MFSD11: variants seen among roughly 807,000 people sequenced by gnomAD.
MFSD11 encodes the protein UNC93-like protein MFSD11.
A neutral mutation model predicts 53.5 loss-of-function variants in MFSD11; 36 were observed. The observed-to-expected ratio is 0.67, with a 90% confidence interval of 0.52 to 0.89. The LOEUF (loss-of-function observed/expected upper bound fraction) is 0.89. Among genes scored for constraint, MFSD11 ranks in the 40% least tolerant of loss-of-function variants. MFSD11 has a pLI of 0.00. For synonymous variants in MFSD11, 186 were observed against 184.9 expected (o/e 1.01, Z -0.05); for missense variants, 530 against 543.9 (o/e 0.97, Z 0.25).
chr17:76,747,159 C>T (rs141394155), intron 7 of MFSD11, among the ~76,000 whole-genome samples: 22 of 152,192 alleles, frequency 1.4e-4, no homozygotes, highest in African/African-American at 5.1e-4. Flanking sequence ...CAGATCTAAG[C>T]AAAGTAAATT....
the MFSD11 span, among the ~76,000 whole-genome samples, chr17:76,802,632 A>T: frequency 6.6e-6 from 1 of 152,194 alleles, no homozygotes; most frequent in Non-Finnish European, 1.5e-5. Flanking sequence ...TAATCCCAGC[A>T]CTTCGGGAGG....
chr17:76,738,166 G>A lies in MFSD11; in HGVS notation c.-187G>A. 7 of 604,656 alleles carry A rather than the reference G, an allele frequency of 1.2e-5. No individual in the cohort carries two copies. Among genetic ancestry groups the A allele is most frequent in the South Asian group, 1.0e-4 (5 of 49,626 alleles). 37.5% of individuals were successfully genotyped at this position (604,656 alleles called of 1,614,324 possible). A position where few individuals can be genotyped will look rare whatever the true frequency, so the allele number is the denominator to read the frequency against. On this transcript the variant is annotated 5_prime_UTR_variant, in exon 1 of 13. In the 5' UTR this introduces an upstream ATG that the reference lacks. Coordinates refer to ENST00000685175, the MANE Select transcript of MFSD11 (RefSeq NM_001242532.5). ...CTTCTTAGGAGTATCCTAACTGCCG[G>A]TGGGGAGAACTTCGCCCTAAACCTG...
In MFSD11 at chr17:76,744,344, T is replaced by C; in HGVS notation, c.519T>C (p.Phe173=). ...QISESDRRTV[F]IALTVISLVG... ...TAGAGAGTGACCGAAGAACAGTGTTTATTGCCCTAACGGTGATTAGCCTTG... is the reference window on the plus strand; with the variant it reads ...TAGAGAGTGACCGAAGAACAGTGTTCATTGCCCTAACGGTGATTAGCCTTG... The change falls in exon 7 of 13, where the codon TTT becomes TTC. Residue 173 remains phenylalanine, a synonymous_variant. Transcript: ENST00000685175. 6.2e-7 allele frequency: 1 copy of C among 1,612,846 alleles called. No homozygotes were observed. Among genetic ancestry groups the C allele is most frequent in the Non-Finnish European group, 8.5e-7 (1 of 1,179,682 alleles).
At chr17:76,771,928 A>C (rs192007876) in intron 10 of MFSD11, among the ~76,000 whole-genome samples, 12 of 152,168 alleles carry the variant, frequency 7.9e-5, no homozygotes, top group Admixed American at 5.9e-4. Context: ...GATGCTCAGG[A>C]GGGACTCGTG....
intron 8 of MFSD11, among the ~76,000 whole-genome samples, chr17:76,765,494 G>A: frequency 9.2e-6 from 1 of 108,988 alleles, no homozygotes; most frequent in Non-Finnish European, 1.7e-5. Flanking sequence ...ACAGGGTGTT[G>A]CTCTGCCGCC....
the MFSD11 span, among the ~76,000 whole-genome samples, chr17:76,790,366 C>G: frequency 7.3e-6 from 1 of 136,130 alleles, no homozygotes; most frequent in Non-Finnish European, 1.6e-5. Context: ...TTTTGAGACA[C>G]CATCTCACTC....
chr17:76,744,295 A>G (rs763475196), intron 6 of MFSD11, 27 bp from the exon 7 acceptor site: 7 of 1,597,846 alleles, frequency 4.4e-6, no homozygotes, highest in Middle Eastern at 1.7e-4. Context: ...GGTCGATACT[A>G]TCTTGTTTCT....
intron 8 of MFSD11, among the ~76,000 whole-genome samples, chr17:76,765,006 T>C (rs2080691740): frequency 6.6e-6 from 1 of 152,216 alleles, no homozygotes; most frequent in Non-Finnish European, 1.5e-5. Flanking sequence ...GATAAAGTTT[T>C]TAATTTTGAT....
At chr17:76,737,358 T>C (rs2077570085), upstream of MFSD11, 4 of 633,344 alleles carry the variant, frequency 6.3e-6, no homozygotes, top group South Asian at 1.1e-4. Flanking sequence ...TCTGCGCCCG[T>C]TTATATCGCT....
intron 10 of MFSD11, among the ~76,000 whole-genome samples, chr17:76,771,495 C>A (rs980661147): frequency 6.6e-6 from 1 of 152,152 alleles, no homozygotes; most frequent in Non-Finnish European, 1.5e-5. Context: ...AAAATACCTG[C>A]CCATATAGAG....
chr17:76,750,443 C>T (rs145748787), intron 7 of MFSD11, among the ~76,000 whole-genome samples: 4 of 149,664 alleles, frequency 2.7e-5, no homozygotes, highest in East Asian at 2.0e-4. Context: ...AACTCGGCTC[C>T]GCCTCCCGGG....
chr17:76,778,188 T>A lies in MFSD11; in HGVS notation c.1186T>A (p.Ser396Thr), dbSNP rs754675957. 1 of 1,614,176 alleles carries A rather than the reference T, an allele frequency of 6.2e-7. No homozygotes were observed. Among genetic ancestry groups the A allele is most frequent in the Non-Finnish European group, 8.5e-7 (1 of 1,180,024 alleles). Residue 396 changes from serine (S) to threonine (T), a missense_variant and splice_region_variant, in exon 13 of 13, where the codon TCT becomes ACT. Transcript: ENST00000685175. ...PAFAIFKFVQSICAAVAFFYS... is the reference protein window; with the variant it reads ...PAFAIFKFVQTICAAVAFFYS... ...TGTGATTTGTTTTGTTTGTTCTTAG[T>A]CTATTTGCGCAGCCGTGGCATTTTT... is the stretch of plus-strand genomic sequence containing the variant.
chr17:76,775,222 G>A (rs759088860), intron 11 of MFSD11, 51 bp downstream of exon 11: 8 of 1,552,672 alleles, frequency 5.2e-6, no homozygotes, highest in South Asian at 2.3e-5. Context: ...GGGAGGTAAC[G>A]GATGGCTAGA....
chr17:76,785,717 A>G (rs910849243), downstream of MFSD11, among the ~76,000 whole-genome samples: 8 of 152,132 alleles, frequency 5.3e-5, no homozygotes, highest in African/African-American at 1.4e-4. Context: ...GCACAGCATT[A>G]TAATGTATTT....
At chr17:76,766,991 A>G (rs766351786) in intron 8 of MFSD11, 63 of 162,516 alleles carry the variant, frequency 3.9e-4, no homozygotes, top group African/African-American at 5.8e-4. Flanking sequence ...TCTTGAGTCC[A>G]CTCTTAAAGC....
the MFSD11 span, among the ~76,000 whole-genome samples, chr17:76,796,723 A>G: frequency 6.6e-6 from 1 of 151,662 alleles, no homozygotes; most frequent in Non-Finnish European, 1.5e-5. Context: ...CTGTAATCCC[A>G]GCACTTTGGA....
At chr17:76,770,878 A>G (rs2081324689) in intron 10 of MFSD11, among the ~76,000 whole-genome samples, 1 of 152,214 alleles carries the variant, frequency 6.6e-6, no homozygotes, top group Non-Finnish European at 1.5e-5. Context: ...AACCCTGTTT[A>G]GGGGGATTTA....
At chr17:76,748,562 C>T (rs1410096888) in intron 7 of MFSD11, among the ~76,000 whole-genome samples, 1 of 151,878 alleles carries the variant, frequency 6.6e-6, no homozygotes, top group Non-Finnish European at 1.5e-5. Flanking sequence ...TGGTGCACGC[C>T]TGTAGTCCCA....
chr17:76,763,374 C>T (rs1371783198), intron 8 of MFSD11, among the ~76,000 whole-genome samples: 1 of 151,862 alleles, frequency 6.6e-6, no homozygotes. Flanking sequence ...AAGTGATTCT[C>T]CTGTCTCAGC....
Sources: allele counts gnomAD v4.1 joint callset (sites outside exome capture counted in the v4.1 genomes callset), GRCh38; gene constraint gnomAD v4.1.1; transcripts MANE v1.5; gene names NCBI Gene and HGNC (gene_info 2026-07-23, HGNC 2026-07-21).